Variants in GRAMD1B observed in about 807,000 individuals in gnomAD.
GRAMD1B encodes the protein protein Aster-B.
In GRAMD1B, 37 loss-of-function variants were observed where a neutral mutation model predicts 99.7. That is an observed-to-expected ratio of 0.37 (90% confidence interval 0.29 to 0.49). The LOEUF is 0.49. GRAMD1B is among the 20% of genes least tolerant of loss of function. The pLI is 0.98. For synonymous variants in GRAMD1B, 427 were observed against 387.6 expected (o/e 1.10, Z -1.19); for missense variants, 888 against 1,009.2 (o/e 0.88, Z 1.63).
At chr11:123,551,647 T>C (rs1945628899) in intron 2 of GRAMD1B, among the ~76,000 whole-genome samples, 3 of 152,196 alleles carry the variant, frequency 2.0e-5, no homozygotes, top group African/African-American at 7.2e-5. Context: ...CCTGGGATTG[T>C]GGGCAAATGA....
intron 4 of GRAMD1B, among the ~76,000 whole-genome samples, chr11:123,590,925 C>T (rs908322596): frequency 5.9e-5 from 9 of 152,290 alleles, no homozygotes; most frequent in South Asian, 2.1e-4. Flanking sequence ...ACCCTGGACC[C>T]GGCTGTGGAT....
intron 18 of GRAMD1B, 28 bp downstream of exon 18, chr11:123,618,828 C>A: frequency 9.2e-7 from 1 of 1,090,008 alleles, no homozygotes; most frequent in Non-Finnish European, 1.4e-6. Flanking sequence ...CCCTCACCTC[C>A]ACCTTCATCC....
chr11:123,388,789 T>A (rs1947168072), intron 1 of GRAMD1B, among the ~76,000 whole-genome samples: 2 of 152,182 alleles, frequency 1.3e-5, no homozygotes, highest in South Asian at 4.1e-4. Context: ...GCCTGCAACC[T>A]GCAAGAGGGC....
intron 1 of GRAMD1B, among the ~76,000 whole-genome samples, chr11:123,469,150 C>T (rs1028444385): frequency 1.1e-4 from 17 of 151,906 alleles, no homozygotes; most frequent in Middle Eastern, 3.4e-3. Context: ...GAGTGGAGAG[C>T]GGAGGTGACG....
At position 123,510,423 on chromosome 11, in the gene GRAMD1B, G is replaced by T. The variant is rs1330694548; in HGVS notation, c.452+29530G>T. 6.6e-6 allele frequency among the ~76,000 whole-genome samples: 1 copy of T among 152,122 alleles called. No individual in the cohort carries two copies. Among genetic ancestry groups the T allele is most frequent in the Non-Finnish European group, 1.5e-5 (1 of 68,016 alleles). On this transcript the variant is annotated intron_variant, in intron 2 of 19. Transcript: ENST00000635736. This position sits in a 1 kb window ranked among gnomAD's most constrained non-coding sequence, Gnocchi z 4.3. ...TACCAGGCCAGGGGAGGTGCCCCCTGACTCAGCCTCCTGGGAGTCTGTGGA... is the reference window on the plus strand; with the variant it reads ...TACCAGGCCAGGGGAGGTGCCCCCTTACTCAGCCTCCTGGGAGTCTGTGGA...
rs537745478 is a variant in GRAMD1B, at chr11:123,465,088, G to C, written c.375-15728G>C. Among the ~76,000 whole-genome samples the C allele has an allele frequency of 2.6e-5, 4 of 152,296 alleles. No homozygotes were observed. In the South Asian group the frequency reaches 8.3e-4, roughly 32 times the overall value. Reference sequence around the variant, plus strand: ...AGGAGTTTTAGATACAGGTTTGGGAGTGAACATGTGGCTTTTTGTCCGAGC... The same window carrying C: ...AGGAGTTTTAGATACAGGTTTGGGACTGAACATGTGGCTTTTTGTCCGAGC... On this transcript the variant is annotated intron_variant, in intron 1 of 19. Transcript: ENST00000635736.
chr11:123,585,305 A>G (rs1337810529), intron 4 of GRAMD1B, among the ~76,000 whole-genome samples: 1 of 152,170 alleles, frequency 6.6e-6, no homozygotes, highest in African/African-American at 2.4e-5. Flanking sequence ...ATGTAGGGAC[A>G]GGGTTGCAGA....
chr11:123,456,864 G>A (rs1279433846), intron 1 of GRAMD1B, among the ~76,000 whole-genome samples: 2 of 148,262 alleles, frequency 1.3e-5, no homozygotes, highest in African/African-American at 5.0e-5. Context: ...AGGTTGCTGT[G>A]AGCTGAGATG....
At chr11:123,506,399 T>G (rs919874122) in intron 2 of GRAMD1B, among the ~76,000 whole-genome samples, 1 of 150,166 alleles carries the variant, frequency 6.7e-6, no homozygotes, top group Non-Finnish European at 1.5e-5. Flanking sequence ...TGTTTTTTGT[T>G]TTTTTTTTTC....
At chr11:123,569,823 T>C (rs1173562074) in intron 2 of GRAMD1B, among the ~76,000 whole-genome samples, 1 of 152,188 alleles carries the variant, frequency 6.6e-6, no homozygotes, top group Admixed American at 6.5e-5. Flanking sequence ...GTCATCAGCG[T>C]TTACCCCATG....
chr11:123,473,252 C>T (rs761262727), intron 1 of GRAMD1B, among the ~76,000 whole-genome samples: 51 of 152,102 alleles, frequency 3.4e-4, no homozygotes, highest in South Asian at 8.3e-4. Flanking sequence ...GTAGTAGAGA[C>T]GGGGTTTCAC....
At chr11:123,607,512 C>G (rs1387592628) in intron 11 of GRAMD1B, among the ~76,000 whole-genome samples, 1 of 152,204 alleles carries the variant, frequency 6.6e-6, no homozygotes, top group Non-Finnish European at 1.5e-5. Context: ...GGGCCACCTG[C>G]AGTGGTTTTC....
chr11:123,515,027 A>T (rs1190599019), intron 2 of GRAMD1B, among the ~76,000 whole-genome samples: 1 of 152,234 alleles, frequency 6.6e-6, no homozygotes, highest in Non-Finnish European at 1.5e-5. Context: ...TAAAGGTAAG[A>T]ATTGAAAGGC....
At chr11:123,532,765 A>G (rs948012511) in intron 2 of GRAMD1B, among the ~76,000 whole-genome samples, 1 of 152,238 alleles carries the variant, frequency 6.6e-6, no homozygotes, top group African/African-American at 2.4e-5. Flanking sequence ...CAAAAATTAT[A>G]TGAAATTCCA....
At chr11:123,403,596 G>A (rs1947750155) in intron 1 of GRAMD1B, among the ~76,000 whole-genome samples, 1 of 151,824 alleles carries the variant, frequency 6.6e-6, no homozygotes, top group Admixed American at 6.6e-5. Flanking sequence ...AGGCTGGAGT[G>A]CAGTGGCAGC....
At position 123,532,997 on chromosome 11, in the gene GRAMD1B, T is replaced by C. The variant is rs543845983; in HGVS notation, c.453-44370T>C. 2.2e-3 allele frequency among the ~76,000 whole-genome samples: 342 copies of C among 152,302 alleles called. 2 individuals carry two copies. Among genetic ancestry groups the C allele is most frequent in the African/African-American group, 7.7e-3 (321 of 41,568 alleles). ...ATGTTTTTACTGGATAAAAACAAGT[T>C]TTGTTCTTGTTGCCCAGGCTGAAGT... is the stretch of plus-strand genomic sequence containing the variant. On this transcript the variant is annotated intron_variant, in intron 2 of 19. Transcript: ENST00000635736.
chr11:123,444,650 G>T (rs552049846), intron 1 of GRAMD1B, among the ~76,000 whole-genome samples: 135 of 152,110 alleles, frequency 8.9e-4, no homozygotes, highest in African/African-American at 3.1e-3. Flanking sequence ...GTCAGCTGGG[G>T]GTTTTAGAAT....
At chr11:123,526,385 CG>C (rs1000048949) in intron 2 of GRAMD1B, among the ~76,000 whole-genome samples, 1 of 152,132 alleles carries the variant, frequency 6.6e-6, no homozygotes, top group Non-Finnish European at 1.5e-5. Flanking sequence ...TCTTCGAGGT[CG>C]GGGGTTTTGT....
chr11:123,499,952 A>G lies in GRAMD1B; in HGVS notation c.452+19059A>G, dbSNP rs995847527. On this transcript the variant is annotated intron_variant, in intron 2 of 19. Coordinates refer to ENST00000635736, the MANE Select transcript of GRAMD1B (RefSeq NM_001387025.1). ...CATCTTTTTTCCCTGTAGAAATGAA[A>G]CAGATCTATTGTCTGTGTTTCCTTC... is the stretch of plus-strand genomic sequence containing the variant. 3.3e-5 allele frequency among the ~76,000 whole-genome samples: 5 copies of G among 152,208 alleles called. 1 individual carries two copies. Among genetic ancestry groups the G allele is most frequent in the African/African-American group, 1.2e-4 (5 of 41,452 alleles).
Sources: gnomAD v4.1 joint callset for allele counts (sites outside exome capture counted in the v4.1 genomes callset) on GRCh38, gnomAD v4.1.1 for gene constraint, Gnocchi (gnomAD v3.1) non-coding constraint, MANE v1.5 for transcripts, NCBI Gene and HGNC (gene_info 2026-07-23, HGNC 2026-07-21) for gene names.